The following EAF2 variants were observed in gnomAD, a reference collection of about 807,000 sequenced individuals.
EAF2 encodes the protein ELL-associated factor 2.
A neutral mutation model predicts 29.4 loss-of-function variants in EAF2; 29 were observed. That is an observed-to-expected ratio of 0.99 (90% CI 0.73 to 1.35). The LOEUF is 1.35. Ranked by LOEUF, EAF2 falls within the 40% of genes most tolerant of loss-of-function variation. EAF2 has a pLI of 0.00. For synonymous variants in EAF2, 103 were observed against 102.5 expected (o/e 1.00, Z -0.03); for missense variants, 292 against 312.0 (o/e 0.94, Z 0.48).
chr3:121,858,965 AG>A (rs1175528916), intron 4 of EAF2, among the ~76,000 whole-genome samples: 2 of 152,214 alleles, frequency 1.3e-5, no homozygotes, highest in Non-Finnish European at 2.9e-5. Context: ...GGTTTGTCAA[AG>A]ATCAGATGAT....
intron 2 of EAF2, among the ~76,000 whole-genome samples, chr3:121,846,499 A>G (rs1708531621): frequency 6.6e-6 from 1 of 152,190 alleles, no homozygotes; most frequent in South Asian, 2.1e-4. Flanking sequence ...TTTATTAAAG[A>G]AAAACCTGAA....
At chr3:121,859,816 A>G (rs969227153) in intron 4 of EAF2, among the ~76,000 whole-genome samples, 16 of 152,116 alleles carry the variant, frequency 1.1e-4, no homozygotes, top group African/African-American at 2.4e-4. Context: ...GTTTGTCATA[A>G]ATAGCTCTTA....
chr3:121,862,030 C>T lies in EAF2; in HGVS notation c.484+4874C>T, dbSNP rs138314314. On this transcript the variant is annotated intron_variant, in intron 4 of 5. Transcript: ENST00000273668. ...CTCTTCTGGCTTGTAGAGTTTCTGC[C>T]GAGAGATCTGCTGTTAGTCTGATGG... 1.3e-4 allele frequency among the ~76,000 whole-genome samples: 20 copies of T among 152,240 alleles called. No individual in the cohort carries two copies. The East Asian group carries it at 2.1e-3, about 16-fold the overall frequency.
At chr3:121,873,228 C>T (rs1172015171) in intron 5 of EAF2, 1 of 518,628 alleles carries the variant, frequency 1.9e-6, no homozygotes, top group Non-Finnish European at 3.4e-6. Context: ...CTCCCATCAT[C>T]TCATCACCTT....
intron 1 of EAF2, among the ~76,000 whole-genome samples, chr3:121,840,129 G>A (rs530749847): frequency 6.8e-6 from 1 of 147,390 alleles, no homozygotes; most frequent in African/African-American, 2.5e-5. Flanking sequence ...GGCGGAGGTT[G>A]CGGTGAGCCG....
chr3:121,840,691 C>T (rs968616769), intron 1 of EAF2, among the ~76,000 whole-genome samples: 5 of 150,014 alleles, frequency 3.3e-5, no homozygotes, highest in African/African-American at 4.9e-5. Context: ...CCTGTGGTCC[C>T]AGCCATTCGG....
chr3:121,877,300 G>A (rs1481598172), intron 5 of EAF2, among the ~76,000 whole-genome samples: 3 of 151,706 alleles, frequency 2.0e-5, no homozygotes, highest in Non-Finnish European at 2.9e-5. Flanking sequence ...TTATGAATCT[G>A]TAATCAAGCA....
intron 2 of EAF2, 46 bp from the exon 3 acceptor site, chr3:121,854,641 A>G (rs1226418384): frequency 2.8e-6 from 4 of 1,432,786 alleles, no homozygotes; most frequent in Non-Finnish European, 3.7e-6. Flanking sequence ...TCCCAAGTGA[A>G]TTCCTATGAT....
At chr3:121,838,317 A>AT (rs1708342077) in intron 1 of EAF2, among the ~76,000 whole-genome samples, 1 of 152,198 alleles carries the variant, frequency 6.6e-6, no homozygotes, top group Admixed American at 6.5e-5. Flanking sequence ...GAACTGAGAA[A>AT]TGAACTATTT....
Position 121,872,775 on chromosome 3 carries a change from G to A in EAF2, c.723G>A (p.Leu241=), listed in dbSNP as rs1437408971. ...HNRFRDNSGL[L]MNTLRNDLQL... ...GATTTCGAGACAACAGTGGCCTTCT[G>A]ATGAATACTTTAAGTAAGTATACAT... The change falls in exon 5 of 6, where the codon CTG becomes CTA. Residue 241 remains leucine (L), a synonymous_variant. Transcript: ENST00000273668. 1 of 1,610,848 alleles carries A rather than the reference G, an allele frequency of 6.2e-7. No individual in the cohort carries two copies. The highest frequency in any genetic ancestry group is 8.5e-7 in the Non-Finnish European group (1 of 1,178,278).
intron 1 of EAF2, among the ~76,000 whole-genome samples, chr3:121,841,644 G>C (rs889259202): frequency 5.3e-5 from 8 of 151,548 alleles, no homozygotes; most frequent in Admixed American, 5.3e-4. Flanking sequence ...AGGCTGAGGC[G>C]GGTGGAACAT....
chr3:121,871,692 G>T (rs187308782), intron 4 of EAF2, among the ~76,000 whole-genome samples: 7 of 152,052 alleles, frequency 4.6e-5, no homozygotes, highest in African/African-American at 1.7e-4. Context: ...GTACTAAGAT[G>T]ATATCAAATG....
At chr3:121,849,954 A>C (rs971735954) in intron 2 of EAF2, among the ~76,000 whole-genome samples, 46 of 124,934 alleles carry the variant, frequency 3.7e-4, no homozygotes, top group African/African-American at 5.3e-4. Context: ...ATATATATAT[A>C]TCAACCTTTT....
At chr3:121,866,182 C>T (rs1209939123) in intron 4 of EAF2, among the ~76,000 whole-genome samples, 1 of 152,124 alleles carries the variant, frequency 6.6e-6, no homozygotes, top group East Asian at 1.9e-4. Flanking sequence ...GGTGAAGTCC[C>T]TTCTTTCCTT....
intron 2 of EAF2, among the ~76,000 whole-genome samples, chr3:121,852,113 A>G (rs954575529): frequency 6.6e-6 from 1 of 152,204 alleles, no homozygotes; most frequent in East Asian, 1.9e-4. Flanking sequence ...CCTTCATTGA[A>G]TATTTATAAA....
chr3:121,837,882 A>G (rs3805126), intron 1 of EAF2: 79,401 of 152,024 alleles, frequency 0.52, 21,126 homozygotes, highest in Admixed American at 0.59. Flanking sequence ...AACAGGACCT[A>G]CTAGAATCAA....
In EAF2 at chr3:121,857,103, C is replaced by G. The variant is rs779249596; in HGVS notation, c.431C>G (p.Ser144Cys). The change falls in exon 4 of 6, where the codon TCT (serine) becomes TGT (cysteine). Residue 144 changes from serine to cysteine, a missense_variant. By Grantham distance (112) the Ser-to-Cys change is moderately radical. Transcript: ENST00000273668. ...SARTPNLVKH[S>C]PSEDKMSPAS... ...AGGACTCCCAATCTTGTAAAACATT[C>G]TCCATCTGAAGATAAGATGTCCCCA... The G allele has an allele frequency of 2.5e-6, 4 of 1,613,754 alleles. No individual in the cohort carries two copies. In the Admixed American group the frequency reaches 6.7e-5, roughly 27 times the overall value.
intron 5 of EAF2, among the ~76,000 whole-genome samples, chr3:121,874,800 G>A (rs1484105970): frequency 6.6e-6 from 1 of 151,850 alleles, no homozygotes; most frequent in African/African-American, 2.4e-5. Flanking sequence ...CCCAGACATG[G>A]CCAGAATCAA....
At chr3:121,870,524 C>G (rs1708993398) in intron 4 of EAF2, among the ~76,000 whole-genome samples, 1 of 152,032 alleles carries the variant, frequency 6.6e-6, no homozygotes, top group Non-Finnish European at 1.5e-5. Context: ...GAAGGTTACA[C>G]TTAAACCGAT....
Sources: gnomAD v4.1 joint callset for allele counts (sites outside exome capture counted in the v4.1 genomes callset) on GRCh38, gnomAD v4.1.1 for gene constraint, MANE v1.5 for transcripts, NCBI Gene and HGNC (gene_info 2026-07-23, HGNC 2026-07-21) for gene names.